ABI3BP: variants seen among roughly 807,000 people sequenced by gnomAD.
The protein encoded by ABI3BP is ABI family member 3 binding protein, also known as target of Nesh-SH3.
In ABI3BP, 216 loss-of-function variants were observed where a neutral mutation model predicts 268.6. The observed-to-expected ratio is 0.80, with a 90% CI of 0.72 to 0.90. ABI3BP has a LOEUF of 0.90. Ranked by LOEUF, ABI3BP falls within the 40% of genes least tolerant of loss-of-function variation. The pLI, the probability that ABI3BP is intolerant of heterozygous loss-of-function variation, is 0.00. For synonymous variants in ABI3BP, 730 were observed against 730.0 expected (o/e 1.00, Z 0.00); for missense variants, 2,090 against 2,182.4 (o/e 0.96, Z 0.84).
chr3:100,767,273 C>T (rs1432737731), intron 62 of ABI3BP, among the ~76,000 whole-genome samples: 5 of 152,124 alleles, frequency 3.3e-5, no homozygotes, highest in Non-Finnish European at 7.4e-5. Flanking sequence ...ATTTAAAATA[C>T]CCCAAGAGGA....
Position 100,926,578 on chromosome 3 carries a change from T to C in ABI3BP, c.80-97A>G, listed in dbSNP as rs527798675. The C allele has an allele frequency of 1.2e-4, 134 of 1,134,948 alleles. 1 individual carries two copies. The South Asian group carries it at 1.9e-3, about 16-fold the overall frequency. The allele number at this position is 1,134,948 out of a possible 1,614,324, so 70.3% of individuals were successfully genotyped here. A position where few individuals can be genotyped will look rare whatever the true frequency, so the allele number is the denominator to read the frequency against. ...GTGTTGGTGGCTAGAGGCATTGTTC[T>C]TGAAAAACATGTTGTCTACTTTGCT... On this transcript the variant is annotated intron_variant, in intron 1 of 67. Coordinates refer to ENST00000471714, the MANE Select transcript of ABI3BP (RefSeq NM_001375547.2).
chr3:100,915,053 C>T (rs2058126191), intron 2 of ABI3BP, among the ~76,000 whole-genome samples: 1 of 152,128 alleles, frequency 6.6e-6, no homozygotes, highest in African/African-American at 2.4e-5. Context: ...TCAACTTTTA[C>T]TTTCTTCCAC....
chr3:100,973,405 C>T (rs1385744109), intron 1 of ABI3BP, among the ~76,000 whole-genome samples: 1 of 152,120 alleles, frequency 6.6e-6, no homozygotes. Flanking sequence ...TAAAACATTA[C>T]TACTGCAAAT....
chr3:100,799,436 A>T, intron 51 of ABI3BP, among the ~76,000 whole-genome samples: 1 of 152,282 alleles, frequency 6.6e-6, no homozygotes, highest in Non-Finnish European at 1.5e-5. Flanking sequence ...CACTGAATAC[A>T]TATTAATGTT....
intron 55 of ABI3BP, among the ~76,000 whole-genome samples, chr3:100,792,475 T>TA (rs1021323911): frequency 6.6e-6 from 1 of 151,700 alleles, no homozygotes; most frequent in African/African-American, 2.4e-5. Context: ...AACAATACAT[T>TA]AAAAAAAGTA....
At chr3:100,861,027 C>G (rs1378317579) in intron 14 of ABI3BP, among the ~76,000 whole-genome samples, 1 of 152,132 alleles carries the variant, frequency 6.6e-6, no homozygotes, top group Non-Finnish European at 1.5e-5. Context: ...ACTCAGAACC[C>G]AGATTTTAGA....
At chr3:100,990,376 A>G (rs1217711522) in intron 1 of ABI3BP, among the ~76,000 whole-genome samples, 2 of 152,098 alleles carry the variant, frequency 1.3e-5, no homozygotes, top group Non-Finnish European at 2.9e-5. Flanking sequence ...GCTAACAAAA[A>G]TAAATAATTT....
At chr3:100,810,320 G>T in intron 49 of ABI3BP, 92 bp downstream of exon 49, 2 of 1,093,246 alleles carry the variant, frequency 1.8e-6, no homozygotes, top group Non-Finnish European at 2.6e-6. Context: ...TGGGCAGAAT[G>T]ATGAAGTCAG....
chr3:100,830,102 CATACATACATATATATATATAT>C (rs1443867375), intron 32 of ABI3BP, among the ~76,000 whole-genome samples: 53 of 56,208 alleles, frequency 9.4e-4, no homozygotes, highest in African/African-American at 4.1e-3. Context: ...TACATACATA[CATACATACATATATATATATAT>C]ATATATATAT....
At chr3:100,864,747 G>A in intron 11 of ABI3BP, 86 bp downstream of exon 11, 1 of 954,508 alleles carries the variant, frequency 1.0e-6, no homozygotes. Context: ...AGAAGTTAAG[G>A]CACCAGGTTT....
At chr3:100,842,722 G>T (rs534555006) in intron 20 of ABI3BP, among the ~76,000 whole-genome samples, 37 of 152,186 alleles carry the variant, frequency 2.4e-4, no homozygotes, top group Non-Finnish European at 4.7e-4. Context: ...CTAGCAATAA[G>T]TAAATTAAAC....
chr3:100,894,951 A>AAAAAAAAAAAAAAACAAAAC, intron 4 of ABI3BP, among the ~76,000 whole-genome samples: 1 of 112,506 alleles, frequency 8.9e-6, no homozygotes, highest in Non-Finnish European at 2.2e-5. Context: ...AAAAAAAAAA[A>AAAAAAAAAAAAAAACAAAAC]AAAAAAAAAA....
intron 1 of ABI3BP, among the ~76,000 whole-genome samples, chr3:100,954,941 G>A (rs903632144): frequency 4.8e-5 from 7 of 146,864 alleles, no homozygotes; most frequent in African/African-American, 7.6e-5. Flanking sequence ...AAAAGTAAAC[G>A]TGTTTATCAT....
intron 63 of ABI3BP, among the ~76,000 whole-genome samples, chr3:100,756,628 G>A (rs2095632987): frequency 1.3e-5 from 2 of 152,182 alleles, no homozygotes; most frequent in Admixed American, 6.5e-5. Context: ...AATGGGCAGT[G>A]CATTCCACAT....
intron 2 of ABI3BP, among the ~76,000 whole-genome samples, chr3:100,908,163 G>C (rs1005783482): frequency 1.3e-5 from 2 of 151,334 alleles, no homozygotes; most frequent in African/African-American, 4.9e-5. Flanking sequence ...TATTTCCACA[G>C]GTGCTGAAAA....
At chr3:100,965,568 G>T (rs1350085441) in intron 1 of ABI3BP, among the ~76,000 whole-genome samples, 2 of 151,734 alleles carry the variant, frequency 1.3e-5, no homozygotes, top group Non-Finnish European at 2.9e-5. Context: ...GTAAGGAAAG[G>T]ACTGAGTTTA....
chr3:100,839,559 GTAGAA>G lies in ABI3BP; in HGVS notation c.1945+5_1945+9del. 1 of 1,535,796 alleles carries G rather than the reference GTAGAA, an allele frequency of 6.5e-7. No homozygotes were observed. The highest frequency in any genetic ancestry group is 8.7e-7 in the Non-Finnish European group (1 of 1,146,636). ...CGTGAAAGCAGCCGTGGTGGAGGGA[GTAGAA>G]TTACCAGTTGTGGGCACCAAGGGCT... On this transcript the variant is annotated splice_donor_5th_base_variant and intron_variant, in intron 24 of 67. Coordinates refer to ENST00000471714, the MANE Select transcript of ABI3BP (RefSeq NM_001375547.2).
intron 67 of ABI3BP, among the ~76,000 whole-genome samples, chr3:100,751,033 C>T (rs1472633655): frequency 6.6e-6 from 1 of 152,160 alleles, no homozygotes; most frequent in Non-Finnish European, 1.5e-5. Context: ...TTCTGCACTG[C>T]TTAGACAAGG....
intron 2 of ABI3BP, among the ~76,000 whole-genome samples, chr3:100,924,857 A>T (rs1279528492): frequency 6.6e-6 from 1 of 152,200 alleles, no homozygotes; most frequent in Non-Finnish European, 1.5e-5. Context: ...ATTTCAATTT[A>T]TATAACAAAA....
Sources: gnomAD v4.1 joint callset for allele counts (sites outside exome capture counted in the v4.1 genomes callset) on GRCh38, gnomAD v4.1.1 for gene constraint, MANE v1.5 for transcripts, NCBI Gene and HGNC (gene_info 2026-07-23, HGNC 2026-07-21) for gene names.